ZDHHC11B: variants seen among roughly 807,000 people sequenced by gnomAD.
ZDHHC11B encodes probable palmitoyltransferase ZDHHC11B.
A neutral mutation model predicts 42.3 loss-of-function variants in ZDHHC11B; 17 were observed. That is an observed-to-expected ratio of 0.40 (90% CI 0.27 to 0.60). The LOEUF (loss-of-function observed/expected upper bound fraction) is 0.60. Among genes scored for constraint, ZDHHC11B ranks in the 20% least tolerant of loss-of-function variants. The pLI, the probability that ZDHHC11B is intolerant of heterozygous loss-of-function variation, is 0.41. For synonymous variants in ZDHHC11B, 123 were observed against 193.5 expected (o/e 0.64, Z 3.02); for missense variants, 262 against 463.2 (o/e 0.57, Z 3.99).
In ZDHHC11B at chr5:710,487, C is replaced by G. The variant is rs866307453; in HGVS notation, c.*1803G>C. The G allele has an allele frequency of 1.2e-4, 18 of 154,896 alleles. No individual in the cohort carries two copies. The highest frequency in any genetic ancestry group is 5.2e-4 in the Middle Eastern group (1 of 1,936). 9.6% of individuals were successfully genotyped at this position (154,896 alleles called of 1,614,324 possible). On this transcript the variant is annotated 3_prime_UTR_variant, in exon 14 of 14. Transcript: ENST00000508859. ...GTTCTCTGGTATTGACTCTTTTTGT[C>G]TACTAAGATAAGAAGTCTGGGCTAG...
intron 6 of ZDHHC11B, among the ~76,000 whole-genome samples, chr5:753,508 GCCCTCACC>G (rs1336245602): frequency 1.1e-4 from 15 of 138,622 alleles, no homozygotes; most frequent in Admixed American, 1.0e-3. Flanking sequence ...CTGCCTGTGG[GCCCTCACC>G]CCCTCACCTT....
chr5:737,022 T>C (rs968966412), intron 10 of ZDHHC11B, among the ~76,000 whole-genome samples: 5 of 145,638 alleles, frequency 3.4e-5, no homozygotes, highest in Non-Finnish European at 7.5e-5. Flanking sequence ...AAAAGATAAA[T>C]CAAAAAGCCA....
chr5:736,534 C>T (rs1396964813), intron 10 of ZDHHC11B, among the ~76,000 whole-genome samples: 1 of 148,916 alleles, frequency 6.7e-6, no homozygotes, highest in Non-Finnish European at 1.5e-5. Context: ...TTCATCAGTA[C>T]ATGGAAAATT....
intron 6 of ZDHHC11B, among the ~76,000 whole-genome samples, chr5:754,078 G>C (rs1269051220): frequency 2.3e-5 from 3 of 128,594 alleles, no homozygotes; most frequent in African/African-American, 7.6e-5. Flanking sequence ...TCGTTCTTGA[G>C]CCTCCACCGT....
intron 4 of ZDHHC11B, among the ~76,000 whole-genome samples, chr5:757,233 C>T (rs1336279658): frequency 2.6e-5 from 4 of 151,956 alleles, no homozygotes; most frequent in Non-Finnish European, 5.9e-5. Context: ...CCCAGAGGCC[C>T]TCACAGTGTG....
At chr5:766,977 C>A in intron 3 of ZDHHC11B, 58 bp from the exon 4 acceptor site, 1 of 1,576,260 alleles carries the variant, frequency 6.3e-7, no homozygotes. Context: ...GCCGGCCCCA[C>A]CCACTGTCAG....
At chr5:727,812 A>G (rs1742704824) in intron 12 of ZDHHC11B, among the ~76,000 whole-genome samples, 1 of 150,448 alleles carries the variant, frequency 6.6e-6, no homozygotes, top group South Asian at 2.1e-4. Flanking sequence ...ATCAAAATAT[A>G]AGGAAAGTCA....
At chr5:754,382 A>G (rs1259694582) in intron 6 of ZDHHC11B, among the ~76,000 whole-genome samples, 3 of 92,122 alleles carry the variant, frequency 3.3e-5, no homozygotes, top group Admixed American at 1.3e-4. Context: ...AACACCTCTC[A>G]TCCTTGTGCC....
At chr5:776,957 G>A (rs1439729021) in intron 1 of ZDHHC11B, among the ~76,000 whole-genome samples, 1 of 151,946 alleles carries the variant, frequency 6.6e-6, no homozygotes, top group Non-Finnish European at 1.5e-5. Context: ...CTGTCAGGCA[G>A]GCAGAGCTCC....
chr5:756,267 A>G, intron 4 of ZDHHC11B, 123 bp from the exon 5 acceptor site: 1 of 1,419,234 alleles, frequency 7.0e-7, no homozygotes, highest in East Asian at 2.5e-5. Context: ...AGCCCTGCAC[A>G]CGTGAGCCCA....
chr5:734,095 C>A (rs1406864022), intron 10 of ZDHHC11B, among the ~76,000 whole-genome samples: 1 of 142,412 alleles, frequency 7.0e-6, no homozygotes, highest in East Asian at 2.0e-4. Flanking sequence ...CCTCCACCCA[C>A]CGTGTGAGAC....
chr5:754,125 T>C (rs1467091574), intron 6 of ZDHHC11B, among the ~76,000 whole-genome samples: 40 of 120,296 alleles, frequency 3.3e-4, no homozygotes, highest in African/African-American at 8.0e-4. Flanking sequence ...GAGTCTCCAC[T>C]GTGCTCAGGG....
chr5:718,464 G>C (rs1392067305), intron 12 of ZDHHC11B, among the ~76,000 whole-genome samples: 2 of 151,718 alleles, frequency 1.3e-5, no homozygotes, highest in Non-Finnish European at 2.9e-5. Flanking sequence ...ACGAGGTCAG[G>C]AGATCGAGAA....
Position 763,144 on chromosome 5 carries a change from T to C in ZDHHC11B, c.222+3554A>G, listed in dbSNP as rs1310613273. 2.6e-5 allele frequency among the ~76,000 whole-genome samples: 4 copies of C among 151,502 alleles called. No homozygotes were observed. In the East Asian group the frequency reaches 7.7e-4, roughly 29 times the overall value. On this transcript the variant is annotated intron_variant, in intron 4 of 13. Transcript: ENST00000508859. The stretch of plus-strand genomic sequence containing the variant: ...CAGCACTTTGGGAGACCGAGGTGGG[T>C]GGATCACAAGGTCAGGAGTTCAAGA...
chr5:773,659 C>T (rs1442053365), intron 1 of ZDHHC11B, among the ~76,000 whole-genome samples: 2 of 151,976 alleles, frequency 1.3e-5, no homozygotes, highest in East Asian at 3.9e-4. Flanking sequence ...CGTGCCCAGC[C>T]CTGCCCCGAC....
intron 4 of ZDHHC11B, among the ~76,000 whole-genome samples, chr5:765,835 ACACT>A (rs1735241176): frequency 6.6e-6 from 1 of 151,932 alleles, no homozygotes; most frequent in Non-Finnish European, 1.5e-5. Flanking sequence ...AAGAACTGTA[ACACT>A]CACCGCGAGG....
At chr5:733,253 C>T (rs1210675914) in intron 11 of ZDHHC11B, among the ~76,000 whole-genome samples, 4 of 150,840 alleles carry the variant, frequency 2.7e-5, no homozygotes. Flanking sequence ...CACACATAAC[C>T]ACACCCCCCC....
At chr5:752,388 A>G (rs1213923196) in intron 6 of ZDHHC11B, among the ~76,000 whole-genome samples, 1 of 97,498 alleles carries the variant, frequency 1.0e-5, no homozygotes, top group African/African-American at 2.9e-5. Flanking sequence ...TTTGCTCAAA[A>G]GATGCAGAGA....
At chr5:779,591 G>A (rs1193965772) in intron 1 of ZDHHC11B, among the ~76,000 whole-genome samples, 4 of 147,088 alleles carry the variant, frequency 2.7e-5, no homozygotes, top group Admixed American at 6.8e-5. Flanking sequence ...CTGGTGTGAG[G>A]AAGTCAGCTG....
Sources: allele counts gnomAD v4.1 joint callset (sites outside exome capture counted in the v4.1 genomes callset), GRCh38; gene constraint gnomAD v4.1.1; transcripts MANE v1.5; gene names NCBI Gene and HGNC (gene_info 2026-07-23, HGNC 2026-07-21).